TANC2: variants seen among roughly 807,000 people sequenced by gnomAD.
TANC2 encodes tetratricopeptide repeat, ankyrin repeat and coiled-coil containing 2, also known as protein TANC2.
TANC2 carries 26 observed loss-of-function variants against 210.5 expected under a neutral mutation model. That is an observed-to-expected ratio of 0.12 (90% confidence interval 0.09 to 0.17). The LOEUF is 0.17. Among genes scored for constraint, TANC2 ranks in the 10% least tolerant of loss-of-function variants. The pLI is 1.00. For synonymous variants in TANC2, 931 were observed against 967.1 expected (o/e 0.96, Z 0.69); for missense variants, 2,129 against 2,608.9 (o/e 0.82, Z 4.01).
rs570113409 is a variant in TANC2, at chr17:62,998,590, G to A, written c.-23-10947G>A. ...TTCTACAAGCAAGAACAGATTGAGG[G>A]CCTATATTCAGCATTCTTAAAGAAA... On this transcript the variant is annotated intron_variant, in intron 1 of 27. Transcript: ENST00000689528. Among the ~76,000 whole-genome samples, 7 of 152,294 alleles carry A rather than the reference G, an allele frequency of 4.6e-5. No homozygotes were observed. In the East Asian group the frequency reaches 1.3e-3, roughly 29 times the overall value.
intron 7 of TANC2, among the ~76,000 whole-genome samples, chr17:63,209,570 A>T (rs1043112546): frequency 2.0e-5 from 3 of 152,074 alleles, no homozygotes; most frequent in African/African-American, 4.8e-5. Context: ...AGTGGCTGGG[A>T]TTACAGGCAC....
intron 15 of TANC2, chr17:63,388,020 T>G (rs1169273322): frequency 6.6e-6 from 1 of 152,472 alleles, no homozygotes; most frequent in Non-Finnish European, 1.5e-5. Flanking sequence ...CTGGGCAGGC[T>G]CCTTCCGTGT....
At chr17:63,140,183 C>T (rs2039237745) in intron 4 of TANC2, among the ~76,000 whole-genome samples, 1 of 152,186 alleles carries the variant, frequency 6.6e-6, no homozygotes, top group African/African-American at 2.4e-5. Flanking sequence ...TCAACTCTCT[C>T]TGTTAAAAAG....
exon 28 of TANC2, chr17:63,427,447 C>T (rs1278381836): frequency 6.6e-6 from 1 of 152,270 alleles, no homozygotes; most frequent in Non-Finnish European, 1.5e-5. Flanking sequence ...TTGAACACCA[C>T]ACAGTTGTGA....
intron 10 of TANC2, among the ~76,000 whole-genome samples, chr17:63,314,949 G>A (rs776788377): frequency 6.6e-6 from 1 of 152,086 alleles, no homozygotes; most frequent in Non-Finnish European, 1.5e-5. Context: ...TCTAGATAAC[G>A]ACCGCAGCAA....
intron 8 of TANC2, among the ~76,000 whole-genome samples, chr17:63,263,444 T>C (rs1416713067): frequency 1.3e-5 from 2 of 152,202 alleles, no homozygotes; most frequent in Non-Finnish European, 2.9e-5. Context: ...TTATAAAAGT[T>C]GGTTCAAACA....
intron 7 of TANC2, among the ~76,000 whole-genome samples, chr17:63,231,277 TG>T (rs2042469165): frequency 6.6e-6 from 1 of 152,212 alleles, no homozygotes; most frequent in African/African-American, 2.4e-5. Flanking sequence ...AATATTGCTG[TG>T]TGTGAATTTG....
At chr17:63,340,956 T>C (rs1205561521) in intron 12 of TANC2, among the ~76,000 whole-genome samples, 1 of 152,230 alleles carries the variant, frequency 6.6e-6, no homozygotes, top group African/African-American at 2.4e-5. Context: ...TCTGCAGTTC[T>C]AGTGTTAGCA....
At position 62,966,483 on chromosome 17, in the gene TANC2, G is replaced by A. The variant is rs1458113705; in HGVS notation, c.-290G>A. ...TCCCGGCTGTGCCGCGCGCTAGGCGGAGCGAGGCGCCCGCCGCCGCCGAGC... is the reference window on the plus strand; with the variant it reads ...TCCCGGCTGTGCCGCGCGCTAGGCGAAGCGAGGCGCCCGCCGCCGCCGAGC... On this transcript the variant is annotated 5_prime_UTR_variant, in exon 1 of 28. Transcript: ENST00000689528. The surrounding 1 kb of genome is among the most constrained non-coding windows in gnomAD (Gnocchi z 5.1). Among the ~76,000 whole-genome samples the A allele has an allele frequency of 1.3e-5, 2 of 148,680 alleles. No homozygotes were observed. The highest frequency in any genetic ancestry group is 3.0e-5 in the Non-Finnish European group (2 of 66,608).
intron 11 of TANC2, chr17:63,332,379 T>C: frequency 3.2e-6 from 1 of 310,582 alleles, no homozygotes; most frequent in Non-Finnish European, 6.3e-6. Flanking sequence ...TTCAAATTCA[T>C]TTCATTTAGC....
intron 7 of TANC2, among the ~76,000 whole-genome samples, chr17:63,224,992 A>AT (rs906583508): frequency 6.6e-6 from 1 of 151,984 alleles, no homozygotes; most frequent in Admixed American, 6.6e-5. Flanking sequence ...TTTTCTGCCT[A>AT]TTTTATTCCA....
chr17:63,011,165 GA>G (rs1598246472), intron 2 of TANC2, among the ~76,000 whole-genome samples: 2 of 152,168 alleles, frequency 1.3e-5, no homozygotes, highest in East Asian at 3.9e-4. Context: ...TGAAGACTCA[GA>G]AGTTTTAGAG....
chr17:63,071,599 C>G (rs1196592435), intron 2 of TANC2, among the ~76,000 whole-genome samples: 3 of 152,102 alleles, frequency 2.0e-5, no homozygotes, highest in African/African-American at 7.2e-5. Context: ...TCAAGAGAAG[C>G]TCTCTTTTAG....
chr17:63,005,919 TGTG>T (rs2033606861), intron 1 of TANC2, among the ~76,000 whole-genome samples: 2 of 150,988 alleles, frequency 1.3e-5, no homozygotes, highest in Admixed American at 6.6e-5. Context: ...TGTGTGTGTG[TGTG>T]TGTGTGTGTG....
intron 14 of TANC2, among the ~76,000 whole-genome samples, chr17:63,371,616 T>C (rs948727679): frequency 2.0e-5 from 3 of 152,344 alleles, no homozygotes; most frequent in African/African-American, 7.2e-5. Context: ...GCTAGAAATA[T>C]CCAGATTTAT....
chr17:63,337,899 T>C (rs1432299030), intron 11 of TANC2, among the ~76,000 whole-genome samples: 2 of 152,214 alleles, frequency 1.3e-5, no homozygotes, highest in Non-Finnish European at 2.9e-5. Flanking sequence ...ATTAGTTTGC[T>C]AAAGATAGTG....
intron 7 of TANC2, among the ~76,000 whole-genome samples, chr17:63,213,242 A>C (rs2041936739): frequency 6.6e-6 from 1 of 152,210 alleles, no homozygotes; most frequent in African/African-American, 2.4e-5. Flanking sequence ...GAATACACAG[A>C]GACAAGTACA....
At chr17:63,353,749 T>C (rs1237843231) in intron 13 of TANC2, among the ~76,000 whole-genome samples, 1 of 152,080 alleles carries the variant, frequency 6.6e-6, no homozygotes, top group Non-Finnish European at 1.5e-5. Context: ...GGGAACGTTC[T>C]CTGGGAGCAA....
intron 14 of TANC2, among the ~76,000 whole-genome samples, chr17:63,357,298 T>G (rs2046808151): frequency 6.6e-6 from 1 of 152,214 alleles, no homozygotes; most frequent in South Asian, 2.1e-4. Flanking sequence ...AATAGTATCC[T>G]TACAACAGAT....
Sources: allele counts gnomAD v4.1 joint callset (sites outside exome capture counted in the v4.1 genomes callset), GRCh38; gene constraint gnomAD v4.1.1; non-coding constraint Gnocchi (gnomAD v3.1); transcripts MANE v1.5; gene names NCBI Gene and HGNC (gene_info 2026-07-23, HGNC 2026-07-21).